Variants in HDAC4 observed in about 807,000 individuals in gnomAD.
The protein encoded by HDAC4 is histone deacetylase A.
In HDAC4, 16 loss-of-function variants were observed where a neutral mutation model predicts 135.1. That is an observed-to-expected ratio of 0.12 (90% CI 0.08 to 0.18). The LOEUF is 0.18. Ranked by LOEUF, HDAC4 falls within the 10% of genes least tolerant of loss-of-function variation. The pLI is 1.00. For missense variants in HDAC4, 1,143 were observed against 1,511.8 expected, an observed-to-expected ratio of 0.76 and a Z score of 4.05; for synonymous variants, 685 against 653.4, an observed-to-expected ratio of 1.05 and a Z score of -0.74.
chr2:239,248,488 C>G (rs1206044551), intron 2 of HDAC4, among the ~76,000 whole-genome samples: 1 of 152,108 alleles, frequency 6.6e-6, no homozygotes, highest in African/African-American at 2.4e-5. Context: ...CCACCTCTAG[C>G]GCTTTTTAGG....
At chr2:239,207,800 A>G (rs1017869057) in intron 3 of HDAC4, among the ~76,000 whole-genome samples, 8 of 152,244 alleles carry the variant, frequency 5.3e-5, no homozygotes, top group Non-Finnish European at 1.2e-4. Flanking sequence ...GCAACTTTAA[A>G]CAAACTCTTC....
At chr2:239,182,284 G>A (rs1183504244) in intron 4 of HDAC4, among the ~76,000 whole-genome samples, 30 of 152,198 alleles carry the variant, frequency 2.0e-4, no homozygotes. Context: ...CCCTCTGGCT[G>A]TCACCTGCAC....
chr2:239,095,179 C>T (rs2036901600), intron 16 of HDAC4, 123 bp from the exon 17 acceptor site: 1 of 1,000,712 alleles, frequency 1.0e-6, no homozygotes, highest in Non-Finnish European at 1.6e-6. Context: ...CGAGGGGCCA[C>T]TGCTCCCCCT....
chr2:239,169,323 G>A (rs540333429), intron 5 of HDAC4, among the ~76,000 whole-genome samples: 1 of 152,346 alleles, frequency 6.6e-6, no homozygotes, highest in African/African-American at 2.4e-5. Flanking sequence ...CCCAGTGCTT[G>A]GGCCCGTGGC....
chr2:239,155,776 C>T (rs1028000314), intron 7 of HDAC4, among the ~76,000 whole-genome samples: 5 of 152,262 alleles, frequency 3.3e-5, no homozygotes, highest in Admixed American at 3.3e-4. Flanking sequence ...CCAAGAGCCG[C>T]CCCCTAGGGA....
At chr2:239,369,122 C>A (rs897388433) in intron 1 of HDAC4, among the ~76,000 whole-genome samples, 2 of 152,142 alleles carry the variant, frequency 1.3e-5, no homozygotes, top group Non-Finnish European at 2.9e-5. Flanking sequence ...TGACAAGACA[C>A]AGACAGGCCC....
chr2:239,363,099 C>G (rs1693961659), intron 1 of HDAC4, among the ~76,000 whole-genome samples: 1 of 152,100 alleles, frequency 6.6e-6, no homozygotes, highest in Non-Finnish European at 1.5e-5. Context: ...CTAAATCTAT[C>G]AAGAGACGTA....
At chr2:239,194,108 A>C (rs1486890384) in intron 3 of HDAC4, among the ~76,000 whole-genome samples, 3 of 152,178 alleles carry the variant, frequency 2.0e-5, no homozygotes, top group Non-Finnish European at 4.4e-5. Flanking sequence ...GCCGGCCAGC[A>C]TTCATCATTG....
intron 2 of HDAC4, among the ~76,000 whole-genome samples, chr2:239,271,027 A>C (rs1468466359): frequency 3.3e-5 from 5 of 152,232 alleles, no homozygotes; most frequent in Non-Finnish European, 7.3e-5. Context: ...TGATAGACAC[A>C]CAACCTTCAC....
chr2:239,271,464 A>C (rs1246698991), intron 2 of HDAC4, among the ~76,000 whole-genome samples: 1 of 152,188 alleles, frequency 6.6e-6, no homozygotes, highest in African/African-American at 2.4e-5. Flanking sequence ...CTAAGTTTTC[A>C]GTGCTGTTGT....
intron 3 of HDAC4, among the ~76,000 whole-genome samples, chr2:239,216,983 G>A (rs961225600): frequency 1.3e-5 from 2 of 152,174 alleles, no homozygotes; most frequent in Admixed American, 6.5e-5. Context: ...CTGCATTCAC[G>A]CCACTTTCCC....
In HDAC4 at chr2:239,102,807, G is replaced by T; in HGVS notation, c.2202C>A (p.Asn734Lys). The T allele has an allele frequency of 6.2e-7, 1 of 1,613,940 alleles. No individual in the cohort carries two copies. Among genetic ancestry groups the T allele is most frequent in the Non-Finnish European group, 8.5e-7 (1 of 1,180,022 alleles). ...GTTTCTTACTGTCCAGTTTCTGCCG[G>T]TTGAGGGGGTTCGTGCCATACAGGA... Reference protein sequence around the residue: ...HTLLYGTNPLNRQKLDSKKLL... With the variant: ...HTLLYGTNPLKRQKLDSKKLL... Residue 734 changes from asparagine (N) to lysine (K), a missense_variant, in exon 16 of 27, where the codon AAC becomes AAA. This residue lies in a region of HDAC4 where 47 missense variants were observed against 117.2 expected (regional missense o/e 0.40). Coordinates refer to ENST00000543185, the MANE Select transcript of HDAC4 (RefSeq NM_001378414.1).
chr2:239,228,674 C>G (rs76604854), intron 3 of HDAC4, among the ~76,000 whole-genome samples: 1,874 of 152,174 alleles, frequency 0.012, 40 homozygotes, highest in African/African-American at 0.042. Context: ...GAGAAGGGGG[C>G]ATGGGTATGA....
chr2:239,322,192 G>A (rs1161089551), intron 2 of HDAC4, among the ~76,000 whole-genome samples: 1 of 152,226 alleles, frequency 6.6e-6, no homozygotes, highest in Admixed American at 6.5e-5. Flanking sequence ...CCAATCAGGG[G>A]CTGAAGTGAA....
chr2:239,321,650 A>G (rs2053316978), intron 2 of HDAC4, among the ~76,000 whole-genome samples: 1 of 152,074 alleles, frequency 6.6e-6, no homozygotes, highest in Admixed American at 6.5e-5. Flanking sequence ...CCTTTTAGTG[A>G]CAACCAACTC....
chr2:239,112,262 C>A (rs900044085), intron 13 of HDAC4, among the ~76,000 whole-genome samples: 2 of 152,202 alleles, frequency 1.3e-5, no homozygotes, highest in African/African-American at 2.4e-5. Context: ...TGAGTGGGCA[C>A]GAAGCCCAAC....
intron 3 of HDAC4, among the ~76,000 whole-genome samples, chr2:239,213,612 C>T (rs1017942759): frequency 3.3e-5 from 5 of 152,230 alleles, no homozygotes; most frequent in Non-Finnish European, 5.9e-5. Context: ...TGGCCGGAGC[C>T]ACTACCCAAC....
At chr2:239,098,764 C>T (rs1393092212) in intron 16 of HDAC4, among the ~76,000 whole-genome samples, 2 of 152,244 alleles carry the variant, frequency 1.3e-5, no homozygotes, top group Non-Finnish European at 2.9e-5. Flanking sequence ...GTTCACAAAA[C>T]TCAAGATAAT....
At position 239,354,725 on chromosome 2, in the gene HDAC4, CTGT is replaced by C. The variant is rs149132169; in HGVS notation, c.-219-1810_-219-1808del. On this transcript the variant is annotated intron_variant, in intron 1 of 26. Transcript: ENST00000543185. ...ACAACTCTGATTAATATCTTCATGA[CTGT>C]TGTTCTGTATCTGGTTATCTCCTTA... Among the ~76,000 whole-genome samples the C allele has an allele frequency of 5.9e-3, 892 of 152,132 alleles. 8 individuals carry two copies. Among genetic ancestry groups the C allele is most frequent in the Non-Finnish European group, 8.3e-3 (563 of 68,008 alleles).
Sources: gnomAD v4.1 joint callset for allele counts (sites outside exome capture counted in the v4.1 genomes callset) on GRCh38, gnomAD v4.1.1 for gene constraint, gnomAD v4.1.1 regional missense constraint, MANE v1.5 for transcripts, NCBI Gene and HGNC (gene_info 2026-07-23, HGNC 2026-07-21) for gene names.